The following LRP8 variants were observed in gnomAD, a reference collection of about 807,000 sequenced individuals.
LRP8 encodes LDL receptor related protein 8.
LRP8 carries 46 observed loss-of-function variants against 111.6 expected under a neutral mutation model. The observed-to-expected ratio is 0.41, with a 90% confidence interval of 0.33 to 0.53. The LOEUF (loss-of-function observed/expected upper bound fraction) is 0.53, where lower values mean the gene tolerates loss of function less well. Among genes scored for constraint, LRP8 ranks in the 20% least tolerant of loss-of-function variants. The pLI, the probability that LRP8 is intolerant of heterozygous loss-of-function variation, is 0.20. For synonymous variants in LRP8, 464 were observed against 511.2 expected (o/e 0.91, Z 1.24); for missense variants, 959 against 1,297.4 (o/e 0.74, Z 4.01).
At chr1:53,295,606 G>A (rs1396865984) in intron 2 of LRP8, among the ~76,000 whole-genome samples, 1 of 152,160 alleles carries the variant, frequency 6.6e-6, no homozygotes, top group Admixed American at 6.5e-5. Context: ...GCAGAGGAGG[G>A]GAGGGGTAGG....
rs1384609405 is a variant in LRP8, at chr1:53,243,159, T to C, written c.*3859A>G. 4 of 152,158 alleles carry C rather than the reference T, an allele frequency of 2.6e-5. No individual in the cohort carries two copies. Among genetic ancestry groups the C allele is most frequent in the Non-Finnish European group, 5.9e-5 (4 of 68,036 alleles). 9.4% of individuals were successfully genotyped at this position (152,158 alleles called of 1,614,324 possible). On this transcript the variant is annotated 3_prime_UTR_variant, in exon 19 of 19. Coordinates refer to ENST00000306052, the MANE Select transcript of LRP8 (RefSeq NM_004631.5). ...CATTTATATTTTGTGAAACGATGAG[T>C]GTATGGCTGGAGTTCGGGGGGTAGG... is the stretch of plus-strand genomic sequence containing the variant.
At chr1:53,320,457 T>C (rs1654363877) in intron 2 of LRP8, among the ~76,000 whole-genome samples, 1 of 152,164 alleles carries the variant, frequency 6.6e-6, no homozygotes, top group Non-Finnish European at 1.5e-5. Flanking sequence ...ATCAGGGCCT[T>C]AGTTTCACCT....
intron 8 of LRP8, among the ~76,000 whole-genome samples, chr1:53,268,815 C>T (rs1163360304): frequency 1.3e-5 from 2 of 152,138 alleles, no homozygotes; most frequent in Non-Finnish European, 2.9e-5. Context: ...TAAGCAAATC[C>T]TGTTGGCTGG....
At chr1:53,291,131 G>C (rs1648674255) in intron 2 of LRP8, among the ~76,000 whole-genome samples, 1 of 152,202 alleles carries the variant, frequency 6.6e-6, no homozygotes, top group Admixed American at 6.5e-5. Flanking sequence ...CTGGCCTACA[G>C]CTTCTTCATC....
intron 2 of LRP8, among the ~76,000 whole-genome samples, chr1:53,311,841 A>T (rs2788034): frequency 0.12 from 18,876 of 152,186 alleles, 3,383 homozygotes; most frequent in African/African-American, 0.39. Context: ...ATGCTGTGGG[A>T]CTATGGGCTC....
chr1:53,288,907 C>T (rs1206490812), intron 3 of LRP8, among the ~76,000 whole-genome samples: 1 of 152,178 alleles, frequency 6.6e-6, no homozygotes, highest in Non-Finnish European at 1.5e-5. Context: ...CATGGAGAGA[C>T]AAAGCCCTGA....
chr1:53,304,580 C>T (rs779782502), intron 2 of LRP8: 2 of 152,294 alleles, frequency 1.3e-5, no homozygotes, highest in Non-Finnish European at 2.9e-5. Context: ...AGCAGGCCAA[C>T]TGTGCGTGAG....
At position 53,266,370 on chromosome 1, in the gene LRP8, T is replaced by C. The variant is rs182249351; in HGVS notation, c.1427+103A>G. 163 of 1,239,286 alleles carry C rather than the reference T, an allele frequency of 1.3e-4. No homozygotes were observed. The African/African-American group carries it at 2.1e-3, about 16-fold the overall frequency. 76.8% of individuals were successfully genotyped at this position (1,239,286 alleles called of 1,614,324 possible). On this transcript the variant is annotated intron_variant, in intron 9 of 18. Coordinates refer to ENST00000306052, the MANE Select transcript of LRP8 (RefSeq NM_004631.5). The surrounding 1 kb of genome is among the most constrained non-coding windows in gnomAD (Gnocchi z 5.0). ...CATCTCTTCCCAAGTCCCAACTCTG[T>C]CCTGAGGAGCTCTAGAGGCAGACAC... is the stretch of plus-strand genomic sequence containing the variant.
At chr1:53,297,381 G>A (rs1328455010) in intron 2 of LRP8, among the ~76,000 whole-genome samples, 2 of 152,204 alleles carry the variant, frequency 1.3e-5, no homozygotes, top group African/African-American at 4.8e-5. Flanking sequence ...TCAAGGCTCG[G>A]CGGTTCCCAG....
intron 4 of LRP8, among the ~76,000 whole-genome samples, chr1:53,278,657 G>A (rs1004008862): frequency 6.6e-6 from 1 of 151,784 alleles, no homozygotes; most frequent in Non-Finnish European, 1.5e-5. Context: ...ATATTACGCT[G>A]ACACCTAGAT....
chr1:53,264,100 C>A, intron 10 of LRP8, 69 bp downstream of exon 10: 1 of 1,437,222 alleles, frequency 7.0e-7, no homozygotes. Context: ...TCAAGATAGC[C>A]CTTGTGACAG....
At chr1:53,322,840 T>C (rs1654691585) in intron 2 of LRP8, among the ~76,000 whole-genome samples, 1 of 152,156 alleles carries the variant, frequency 6.6e-6, no homozygotes, top group Non-Finnish European at 1.5e-5. Flanking sequence ...TAATTATTTA[T>C]GAGGCTGTTT....
intron 8 of LRP8, chr1:53,267,927 G>A (rs1646635092): frequency 6.6e-6 from 1 of 152,336 alleles, no homozygotes; most frequent in African/African-American, 2.4e-5. Flanking sequence ...TTTTCCAGCT[G>A]ACACTTCTGC....
At position 53,249,638 on chromosome 1, in the gene LRP8, G is replaced by T. The variant is rs940598401; in HGVS notation, c.2677-82C>A. The T allele has an allele frequency of 5.5e-6, 8 of 1,456,460 alleles. No homozygotes were observed. The highest frequency in any genetic ancestry group is 2.7e-6 in the Non-Finnish European group (3 of 1,104,096). The allele number at this position is 1,456,460 out of a possible 1,614,324, so 90.2% of individuals were successfully genotyped here. A position where few individuals can be genotyped will look rare whatever the true frequency, so the allele number is the denominator to read the frequency against. ...GTGCTGTATAACAGTGACACCTGCT[G>T]TGCCACTTTGTGGTCCTCATTCCCC... On this transcript the variant is annotated intron_variant, in intron 17 of 18. Transcript: ENST00000306052. The surrounding 1 kb of genome is among the most constrained non-coding windows in gnomAD (Gnocchi z 4.1).
intron 4 of LRP8, among the ~76,000 whole-genome samples, 198 bp from the exon 5 acceptor site, chr1:53,277,276 C>T (rs1219330681): frequency 6.6e-6 from 1 of 152,198 alleles, no homozygotes; most frequent in East Asian, 1.9e-4. Context: ...TGGCAACACA[C>T]CTGCCCTTTG....
At chr1:53,268,928 A>G (rs1326729295) in intron 8 of LRP8, among the ~76,000 whole-genome samples, 6 of 152,186 alleles carry the variant, frequency 3.9e-5, no homozygotes, top group East Asian at 1.9e-4. Flanking sequence ...GATTATTGCA[A>G]TGACCTCTTA....
intron 2 of LRP8, among the ~76,000 whole-genome samples, chr1:53,297,038 CCAG>C (rs1422329135): frequency 6.6e-6 from 1 of 151,182 alleles, no homozygotes; most frequent in African/African-American, 2.4e-5. Context: ...TCCTCCATCG[CCAG>C]CAGATCTGGG....
chr1:53,252,001 C>A (rs1645912216), intron 16 of LRP8, among the ~76,000 whole-genome samples: 1 of 146,864 alleles, frequency 6.8e-6, no homozygotes, highest in Non-Finnish European at 1.5e-5. Context: ...ACAATCATGC[C>A]ACTGCACTCC....
chr1:53,301,043 G>T (rs1340577462), intron 2 of LRP8, among the ~76,000 whole-genome samples: 1 of 152,120 alleles, frequency 6.6e-6, no homozygotes, highest in Non-Finnish European at 1.5e-5. Flanking sequence ...GGGTGGAGTG[G>T]TGTGGGCCAG....
Sources: allele counts gnomAD v4.1 joint callset (sites outside exome capture counted in the v4.1 genomes callset), GRCh38; gene constraint gnomAD v4.1.1; non-coding constraint Gnocchi (gnomAD v3.1); transcripts MANE v1.5; gene names NCBI Gene and HGNC (gene_info 2026-07-23, HGNC 2026-07-21).